The following NAV1 variants were observed in gnomAD, a reference collection of about 807,000 sequenced individuals.
NAV1 encodes the protein pore membrane and/or filament interacting like protein 3.
A neutral mutation model predicts 175.2 loss-of-function variants in NAV1; 18 were observed. The observed-to-expected ratio is 0.10, with a 90% CI of 0.07 to 0.15. The LOEUF is 0.15. Ranked by LOEUF, NAV1 falls within the 10% of genes least tolerant of loss-of-function variation. NAV1 has a pLI of 1.00. For missense variants in NAV1, 1,731 were observed against 2,436.6 expected (o/e 0.71, Z 6.10); for synonymous variants, 897 against 978.7 (o/e 0.92, Z 1.56).
At chr1:201,639,797 G>A (rs1462475865) in intron 2 of NAV1, among the ~76,000 whole-genome samples, 1 of 152,160 alleles carries the variant, frequency 6.6e-6, no homozygotes, top group Non-Finnish European at 1.5e-5. Flanking sequence ...CAGCTTGGGG[G>A]GCCCCGGCCT....
chr1:201,614,134 G>T (rs1422563835), intron 2 of NAV1, among the ~76,000 whole-genome samples: 1 of 152,100 alleles, frequency 6.6e-6, no homozygotes, highest in East Asian at 1.9e-4. Context: ...TGCAGTGTCC[G>T]TATCTCAGTG....
In NAV1 at chr1:201,649,432, C is replaced by T. The variant is rs1669099518; in HGVS notation, c.757+7C>T. 1 of 1,513,844 alleles carries T rather than the reference C, an allele frequency of 6.6e-7. No homozygotes were observed. Among genetic ancestry groups the T allele is most frequent in the Non-Finnish European group, 8.9e-7 (1 of 1,129,772 alleles). The allele number at this position is 1,513,844 out of a possible 1,614,324, so 93.8% of individuals were successfully genotyped here. ...CTCTTCAGCCAGATGCTGGGTAAGT[C>T]CTGCCGCCCCGCCCCGCCCCGCCCC... On this transcript the variant is annotated splice_region_variant and intron_variant, in intron 1 of 29. Transcript: ENST00000367296.
upstream of NAV1, among the ~76,000 whole-genome samples, chr1:201,622,308 G>A (rs1668197071): frequency 6.6e-6 from 1 of 152,240 alleles, no homozygotes; most frequent in Admixed American, 6.5e-5. Context: ...TGGGGGGACT[G>A]TGATTGGCCC....
At chr1:201,708,440 G>GCGCACACACACA (rs1553256953) in intron 1 of NAV1, among the ~76,000 whole-genome samples, 35 of 148,290 alleles carry the variant, frequency 2.4e-4, no homozygotes, top group African/African-American at 8.5e-4. Flanking sequence ...CTACTTGCGC[G>GCGCACACACACA]CACACACACA....
chr1:201,690,899 A>C (rs1451189721), intron 1 of NAV1, among the ~76,000 whole-genome samples: 1 of 152,230 alleles, frequency 6.6e-6, no homozygotes, highest in Non-Finnish European at 1.5e-5. Flanking sequence ...GAGATTTTGC[A>C]TATCACTTCA....
chr1:201,757,281 T>C (rs1674572257), intron 3 of NAV1, among the ~76,000 whole-genome samples: 1 of 152,178 alleles, frequency 6.6e-6, no homozygotes, highest in African/African-American at 2.4e-5. Context: ...TTCTTTCGAC[T>C]GTCTTGCTCT....
At chr1:201,600,651 C>CA (rs1023322424) in intron 2 of NAV1, among the ~76,000 whole-genome samples, 7 of 151,216 alleles carry the variant, frequency 4.6e-5, no homozygotes, top group African/African-American at 1.2e-4. Context: ...AATAAAAACT[C>CA]AAAAAAATAG....
chr1:201,642,397 T>G (rs1396909505), intron 2 of NAV1, among the ~76,000 whole-genome samples: 1 of 151,874 alleles, frequency 6.6e-6, no homozygotes, highest in East Asian at 1.9e-4. Context: ...TTTGTTTGTT[T>G]GTTTGTTTTA....
chr1:201,771,875 T>G (rs1181972405), intron 3 of NAV1, among the ~76,000 whole-genome samples: 2 of 152,234 alleles, frequency 1.3e-5, no homozygotes, highest in African/African-American at 2.4e-5. Flanking sequence ...AGCAGAGTAC[T>G]GAAAGTTCTA....
At chr1:201,586,027 T>C (rs1667017144) in intron 1 of NAV1, among the ~76,000 whole-genome samples, 1 of 152,230 alleles carries the variant, frequency 6.6e-6, no homozygotes, top group Admixed American at 6.5e-5. Flanking sequence ...CTCATGTTCA[T>C]GGCAACATTA....
chr1:201,547,528 C>G (rs1665707169), intron 1 of NAV1, among the ~76,000 whole-genome samples: 1 of 152,148 alleles, frequency 6.6e-6, no homozygotes, highest in Non-Finnish European at 1.5e-5. Flanking sequence ...GGATAGTGAA[C>G]CACGGGAGGA....
intron 3 of NAV1, among the ~76,000 whole-genome samples, chr1:201,755,437 GAGA>G (rs1674394618): frequency 1.3e-5 from 2 of 152,028 alleles, no homozygotes; most frequent in African/African-American, 2.4e-5. Context: ...AAAGAAGAAA[GAGA>G]AGAAGAGGAG....
intron 2 of NAV1, among the ~76,000 whole-genome samples, chr1:201,641,396 G>A (rs1668748045): frequency 1.3e-5 from 2 of 152,154 alleles, no homozygotes; most frequent in African/African-American, 4.8e-5. Context: ...TTTCAAGAGG[G>A]AAGCCAGGTC....
intron 1 of NAV1, among the ~76,000 whole-genome samples, chr1:201,558,545 C>G (rs1017019741): frequency 6.6e-6 from 1 of 152,136 alleles, no homozygotes; most frequent in African/African-American, 2.4e-5. Flanking sequence ...ATCTGCCTCG[C>G]GGGTTCAAGC....
At chr1:201,633,852 T>A (rs1386240985) in intron 2 of NAV1, among the ~76,000 whole-genome samples, 3 of 152,134 alleles carry the variant, frequency 2.0e-5, no homozygotes, top group Admixed American at 2.0e-4. Context: ...TTGGTGCTGT[T>A]GTGGGGCAGA....
At chr1:201,605,277 G>C (rs532222581) in intron 2 of NAV1, among the ~76,000 whole-genome samples, 1 of 151,530 alleles carries the variant, frequency 6.6e-6, no homozygotes, top group South Asian at 2.1e-4. Context: ...TGTACCTCCA[G>C]CATCTCGTTG....
At chr1:201,672,098 G>A (rs1475172991) in intron 1 of NAV1, among the ~76,000 whole-genome samples, 2 of 152,074 alleles carry the variant, frequency 1.3e-5, no homozygotes, top group Non-Finnish European at 2.9e-5. Context: ...CTCACACTGA[G>A]GCCACTACTA....
chr1:201,801,199 G>A (rs1209548367), intron 15 of NAV1, among the ~76,000 whole-genome samples: 3 of 152,154 alleles, frequency 2.0e-5, no homozygotes, highest in Non-Finnish European at 4.4e-5. Flanking sequence ...TATGATAATC[G>A]TTGTACAAAG....
At chr1:201,797,600 T>C (rs1049624699) in intron 15 of NAV1, 4 of 152,228 alleles carry the variant, frequency 2.6e-5, no homozygotes, top group Admixed American at 2.0e-4. Flanking sequence ...TTAGAGAGTA[T>C]TGCCTCTTAA....
Sources: gnomAD v4.1 joint callset for allele counts (sites outside exome capture counted in the v4.1 genomes callset) on GRCh38, gnomAD v4.1.1 for gene constraint, MANE v1.5 for transcripts, NCBI Gene and HGNC (gene_info 2026-07-23, HGNC 2026-07-21) for gene names.